The following SLC4A5 variants were observed in gnomAD, a reference collection of about 807,000 sequenced individuals.
SLC4A5 encodes the protein solute carrier family 4 member 5, also known as electrogenic sodium bicarbonate cotransporter 4.
SLC4A5 carries 96 observed loss-of-function variants against 120.4 expected under a neutral mutation model. That is an observed-to-expected ratio of 0.80 (90% confidence interval 0.68 to 0.94). The LOEUF is 0.94. Ranked by LOEUF, SLC4A5 falls within the 40% of genes least tolerant of loss-of-function variation. SLC4A5 has a pLI of 0.00. For synonymous variants in SLC4A5, 550 were observed against 571.1 expected (o/e 0.96, Z 0.53); for missense variants, 1,259 against 1,459.5 (o/e 0.86, Z 2.24).
At chr2:74,310,464 A>C (rs1482563603) in intron 6 of SLC4A5, among the ~76,000 whole-genome samples, 1 of 152,150 alleles carries the variant, frequency 6.6e-6, no homozygotes, top group East Asian at 1.9e-4. Context: ...AATCAAGTTG[A>C]GGAAATTTCC....
intron 11 of SLC4A5, among the ~76,000 whole-genome samples, chr2:74,261,286 C>T (rs1189005954): frequency 6.6e-6 from 1 of 152,214 alleles, no homozygotes; most frequent in Non-Finnish European, 1.5e-5. Context: ...TCTGTACCCA[C>T]TGAACACTGC....
chr2:74,284,797 G>A lies in SLC4A5; in HGVS notation c.401+976C>T, dbSNP rs1305172414. ...CTTGGCTCCTGCGACTTCTCCGTGC[G>A]GCTCCCCTCCAGTTTCTGCTCTCCG... On this transcript the variant is annotated intron_variant, in intron 8 of 30. Transcript: ENST00000394019. 3.3e-5 allele frequency among the ~76,000 whole-genome samples: 5 copies of A among 152,046 alleles called. No individual in the cohort carries two copies. The East Asian group carries it at 5.8e-4, about 18-fold the overall frequency.
At chr2:74,222,199 T>A (rs1694674603) in intron 29 of SLC4A5, among the ~76,000 whole-genome samples, 1 of 152,072 alleles carries the variant, frequency 6.6e-6, no homozygotes, top group Admixed American at 6.6e-5. Context: ...CAACAGCCAC[T>A]GGAAAACATG....
chr2:74,285,035 T>G (rs1558894912), intron 8 of SLC4A5, among the ~76,000 whole-genome samples: 1 of 152,134 alleles, frequency 6.6e-6, no homozygotes, highest in Admixed American at 6.6e-5. Context: ...TGAACCATTT[T>G]ATATTAAAGA....
intron 20 of SLC4A5, 133 bp from the exon 21 acceptor site, chr2:74,239,668 T>C: frequency 1.2e-6 from 1 of 806,178 alleles, no homozygotes; most frequent in Non-Finnish European, 2.0e-6. Flanking sequence ...CAGAGTGATG[T>C]TCCTGGGGAC....
chr2:74,269,123 A>G (rs1671391906), intron 8 of SLC4A5, among the ~76,000 whole-genome samples: 1 of 152,240 alleles, frequency 6.6e-6, no homozygotes, highest in Non-Finnish European at 1.5e-5. Flanking sequence ...GGCAGATCCA[A>G]GACTATGTGA....
chr2:74,337,005 A>T (rs557317703), intron 3 of SLC4A5, among the ~76,000 whole-genome samples: 2 of 152,340 alleles, frequency 1.3e-5, no homozygotes, highest in African/African-American at 4.8e-5. Flanking sequence ...GAAAATGGTC[A>T]TGAGAAAGAT....
intron 12 of SLC4A5, among the ~76,000 whole-genome samples, chr2:74,259,237 T>C (rs1558882553): frequency 6.6e-6 from 1 of 152,150 alleles, no homozygotes; most frequent in East Asian, 1.9e-4. Flanking sequence ...CCAGTCCCTA[T>C]CCCATCTTTA....
In SLC4A5 at chr2:74,265,902, T is replaced by C. The variant is rs970231652; in HGVS notation, c.402-638A>G. 3.9e-5 allele frequency among the ~76,000 whole-genome samples: 6 copies of C among 152,014 alleles called. 1 individual carries two copies. Among genetic ancestry groups the C allele is most frequent in the African/African-American group, 1.5e-4 (6 of 41,368 alleles). ...TTCTAGAAGACTTGGAATCATGGGC[T>C]GGGTGTTCAAGTAGAAAGGCCTCAG... On this transcript the variant is annotated intron_variant, in intron 8 of 30. Coordinates refer to ENST00000394019, the Ensembl canonical transcript of SLC4A5.
intron 7 of SLC4A5, among the ~76,000 whole-genome samples, chr2:74,291,240 G>C (rs747431663): frequency 2.0e-5 from 3 of 152,252 alleles, no homozygotes; most frequent in Non-Finnish European, 4.4e-5. Flanking sequence ...CGTCACTTCA[G>C]AGTGTGAGGT....
At chr2:74,278,374 G>A (rs943510060) in intron 8 of SLC4A5, among the ~76,000 whole-genome samples, 7 of 152,320 alleles carry the variant, frequency 4.6e-5, no homozygotes, top group African/African-American at 1.7e-4. Context: ...ACCGCGTGAT[G>A]GCCTTGTGTC....
intron 27 of SLC4A5, 97 bp from the exon 28 acceptor site, chr2:74,225,092 C>T: frequency 8.1e-7 from 1 of 1,229,908 alleles, no homozygotes; most frequent in Non-Finnish European, 1.1e-6. Context: ...CCTCAGTCGG[C>T]TGAGTTCAGG....
chr2:74,262,334 C>A, intron 10 of SLC4A5, 102 bp from the exon 11 acceptor site: 57 of 619,018 alleles, frequency 9.2e-5, no homozygotes, highest in Non-Finnish European at 1.3e-4. Context: ...GGTGGCAAGA[C>A]ATGTCTCTTC....
At chr2:74,264,334 G>A in intron 9 of SLC4A5, 35 bp from the exon 10 acceptor site, 1 of 1,599,058 alleles carries the variant, frequency 6.3e-7, no homozygotes, top group Non-Finnish European at 8.5e-7. Flanking sequence ...ATCCCTGTGG[G>A]ACAGAACAGC....
chr2:74,322,123 C>T (rs184204891), intron 5 of SLC4A5, among the ~76,000 whole-genome samples: 75 of 150,978 alleles, frequency 5.0e-4, no homozygotes, highest in African/African-American at 1.7e-3. Context: ...AAGGATAAGA[C>T]AAATCTGGGT....
chr2:74,240,327 C>T (rs1049676991), intron 20 of SLC4A5, among the ~76,000 whole-genome samples: 17 of 152,142 alleles, frequency 1.1e-4, no homozygotes, highest in Non-Finnish European at 1.9e-4. Context: ...TCCTTTCCTG[C>T]CTTCAAGATT....
intron 8 of SLC4A5, among the ~76,000 whole-genome samples, chr2:74,282,117 T>C (rs1671832826): frequency 6.6e-6 from 1 of 152,230 alleles, no homozygotes; most frequent in South Asian, 2.1e-4. Flanking sequence ...CCCAAGCACC[T>C]CTAACCTTGT....
intron 22 of SLC4A5, 142 bp downstream of exon 22, chr2:74,234,959 G>T (rs752677001): frequency 3.1e-6 from 2 of 645,962 alleles, no homozygotes; most frequent in Non-Finnish European, 5.4e-6. Flanking sequence ...CTGGGAGCCT[G>T]TGTTCAGGAA....
intron 8 of SLC4A5, among the ~76,000 whole-genome samples, chr2:74,270,198 C>T (rs1671429009): frequency 6.6e-6 from 1 of 152,166 alleles, no homozygotes; most frequent in African/African-American, 2.4e-5. Context: ...TTTTGGGAAT[C>T]CAGATGTTGA....
Sources: allele counts gnomAD v4.1 joint callset (sites outside exome capture counted in the v4.1 genomes callset), GRCh38; gene constraint gnomAD v4.1.1; transcripts MANE v1.5; gene names NCBI Gene and HGNC (gene_info 2026-07-23, HGNC 2026-07-21).